RYR2: variants seen among roughly 807,000 people sequenced by gnomAD.
RYR2 encodes ryanodine receptor 2.
RYR2 carries 227 observed loss-of-function variants against 601.1 expected under a neutral mutation model. The observed-to-expected ratio is 0.38, with a 90% confidence interval of 0.34 to 0.42. RYR2 has a LOEUF of 0.42. RYR2 is among the 10% of genes least tolerant of loss of function. RYR2 has a pLI of 1.00. For missense variants in RYR2, 4,646 were observed against 6,156.5 expected, an observed-to-expected ratio of 0.75 and a Z score of 8.21; for synonymous variants, 2,223 against 2,175.1, an observed-to-expected ratio of 1.02 and a Z score of -0.61.
At position 237,603,524 on chromosome 1, in the gene RYR2, G is replaced by A. The variant is rs567639111; in HGVS notation, c.4683+1413G>A. ...CTAGGAAGAAACTGCGTCAACTAAT[G>A]AGCAAAATAACCAGCTGACATCATA... On this transcript the variant is annotated intron_variant, in intron 35 of 104. Transcript: ENST00000366574. Among the ~76,000 whole-genome samples, 19 of 152,322 alleles carry A rather than the reference G, an allele frequency of 1.2e-4. No individual in the cohort carries two copies. In the South Asian group the frequency reaches 3.7e-3, roughly 30 times the overall value.
intron 25 of RYR2, among the ~76,000 whole-genome samples, chr1:237,530,803 G>A (rs536603091): frequency 1.7e-3 from 264 of 152,112 alleles, no homozygotes; most frequent in African/African-American, 6.0e-3. Flanking sequence ...CCAGCTACTC[G>A]GGAGGCTGAG....
Position 237,453,627 on chromosome 1 carries a change from C to T in RYR2, c.1293-764C>T, listed in dbSNP as rs192265507. Reference sequence around the variant, plus strand: ...ATATCAACTACAGTAGAGATGTTGTCCCATTCTTTTATTGTATGCATTGTT... The same window carrying T: ...ATATCAACTACAGTAGAGATGTTGTTCCATTCTTTTATTGTATGCATTGTT... On this transcript the variant is annotated intron_variant, in intron 14 of 104. Coordinates refer to ENST00000366574, the MANE Select transcript of RYR2 (RefSeq NM_001035.3). 3.9e-5 allele frequency among the ~76,000 whole-genome samples: 6 copies of T among 152,126 alleles called. No homozygotes were observed. In the East Asian group the frequency reaches 1.2e-3, roughly 29 times the overall value.
intron 1 of RYR2, among the ~76,000 whole-genome samples, chr1:237,268,411 TG>T (rs1689280403): frequency 1.3e-5 from 2 of 152,240 alleles, no homozygotes; most frequent in Non-Finnish European, 2.9e-5. Flanking sequence ...ACTTCATGAT[TG>T]TTTTTATTAT....
In RYR2 at chr1:237,106,826, C is replaced by T. The variant is rs923353529; in HGVS notation, c.48+64257C>T. Among the ~76,000 whole-genome samples, 2 of 152,180 alleles carry T rather than the reference C, an allele frequency of 1.3e-5. No individual in the cohort carries two copies. The highest frequency in any genetic ancestry group is 2.9e-5 in the Non-Finnish European group (2 of 68,040). On this transcript the variant is annotated intron_variant, in intron 1 of 104. Coordinates refer to ENST00000366574, the MANE Select transcript of RYR2 (RefSeq NM_001035.3). The surrounding 1 kb of genome is among the most constrained non-coding windows in gnomAD (Gnocchi z 4.4). Reference sequence around the variant, plus strand: ...TTTGGTGTCTGGTGAAGGCTCGCTTCCTGGTTCATAGGCGGCTGTCTTCTT... The same window carrying T: ...TTTGGTGTCTGGTGAAGGCTCGCTTTCTGGTTCATAGGCGGCTGTCTTCTT...
chr1:237,107,326 C>A (rs865868052), intron 1 of RYR2, among the ~76,000 whole-genome samples: 2 of 151,276 alleles, frequency 1.3e-5, no homozygotes, highest in African/African-American at 4.9e-5. Flanking sequence ...TCGAGACCAT[C>A]CTGGCTAACA....
Position 237,633,733 on chromosome 1 carries a change from A to G in RYR2, c.6688+23A>G, listed in dbSNP as rs776415010. 50 of 1,592,292 alleles carry G rather than the reference A, an allele frequency of 3.1e-5. No individual in the cohort carries two copies. The East Asian group carries it at 4.3e-4, about 14-fold the overall frequency. On this transcript the variant is annotated intron_variant, in intron 43 of 104. Coordinates refer to ENST00000366574, the MANE Select transcript of RYR2 (RefSeq NM_001035.3). ...TTGGTAAGTAAATGACTTTTATTTC[A>G]TCTTTAAGGTTGAAATAATATAATA...
intron 61 of RYR2, 128 bp downstream of exon 61, chr1:237,678,240 T>C: frequency 1.7e-6 from 1 of 602,426 alleles, no homozygotes; most frequent in Non-Finnish European, 3.0e-6. Flanking sequence ...AAATATTCTG[T>C]GGCATGAAAA....
rs1304090442 is a variant in RYR2, at chr1:237,144,402, G to A, written c.48+101833G>A. On this transcript the variant is annotated intron_variant, in intron 1 of 104. Coordinates refer to ENST00000366574, the MANE Select transcript of RYR2 (RefSeq NM_001035.3). ...TCAGAAGGTAGTTTTGCAACTTGGA[G>A]CCTGGTACCTGCCGAAGTTAGACTG... is the stretch of plus-strand genomic sequence containing the variant. Among the ~76,000 whole-genome samples, 4 of 152,118 alleles carry A rather than the reference G, an allele frequency of 2.6e-5. No homozygotes were observed. The East Asian group carries it at 7.7e-4, about 29-fold the overall frequency.
intron 15 of RYR2, among the ~76,000 whole-genome samples, chr1:237,455,286 C>T (rs1184856235): frequency 6.6e-6 from 1 of 151,904 alleles, no homozygotes; most frequent in African/African-American, 2.4e-5. Flanking sequence ...CCATTCTTTT[C>T]AATGCATCTT....
intron 1 of RYR2, among the ~76,000 whole-genome samples, chr1:237,081,969 C>T (rs1270804287): frequency 2.6e-5 from 4 of 152,144 alleles, no homozygotes; most frequent in African/African-American, 7.2e-5. Context: ...TCCAAGATAA[C>T]TGTGATTTCT....
chr1:237,502,919 A>G (rs1196722346), intron 21 of RYR2, among the ~76,000 whole-genome samples: 3 of 151,606 alleles, frequency 2.0e-5, no homozygotes, highest in Non-Finnish European at 4.4e-5. Context: ...AGATATTTAG[A>G]TCAGGTCTTT....
chr1:237,568,703 A>C (rs1218787817), intron 28 of RYR2, among the ~76,000 whole-genome samples: 1 of 152,166 alleles, frequency 6.6e-6, no homozygotes, highest in Non-Finnish European at 1.5e-5. Context: ...AAATTACACT[A>C]TCATTTTCAA....
chr1:237,370,661 A>ATT (rs141088160), intron 6 of RYR2, among the ~76,000 whole-genome samples: 11,828 of 133,560 alleles, frequency 0.089, 603 homozygotes, highest in African/African-American at 0.096. Flanking sequence ...GTTTCATTCC[A>ATT]TTTTTTTTTT....
chr1:237,081,947 A>G (rs997239422), intron 1 of RYR2, among the ~76,000 whole-genome samples: 2 of 152,290 alleles, frequency 1.3e-5, no homozygotes, highest in African/African-American at 2.4e-5. Context: ...TGCAAAGGGA[A>G]AGGCTAATTA....
chr1:237,307,956 C>T (rs145156287), intron 2 of RYR2, among the ~76,000 whole-genome samples: 31 of 150,628 alleles, frequency 2.1e-4, no homozygotes, highest in African/African-American at 7.4e-4. Flanking sequence ...CCGGGACTTG[C>T]TGAGACTCCA....
chr1:237,354,013 C>T (rs553609843), intron 3 of RYR2, among the ~76,000 whole-genome samples: 6 of 152,258 alleles, frequency 3.9e-5, no homozygotes, highest in East Asian at 1.9e-4. Context: ...GAACAAGAGA[C>T]GTGTCATGAA....
At chr1:237,701,543 G>T (rs1573584122) in intron 65 of RYR2, among the ~76,000 whole-genome samples, 1 of 151,480 alleles carries the variant, frequency 6.6e-6, no homozygotes, top group South Asian at 2.1e-4. Context: ...AAAAAAAGCA[G>T]ATGTGCCTTT....
intron 80 of RYR2, among the ~76,000 whole-genome samples, chr1:237,747,335 T>G (rs1368806236): frequency 6.6e-6 from 1 of 152,222 alleles, no homozygotes; most frequent in Non-Finnish European, 1.5e-5. Flanking sequence ...GTGTGTTAAA[T>G]TCTAAATATG....
At chr1:237,534,318 T>G (rs1668403002) in intron 25 of RYR2, among the ~76,000 whole-genome samples, 1 of 151,924 alleles carries the variant, frequency 6.6e-6, no homozygotes, top group Non-Finnish European at 1.5e-5. Flanking sequence ...CAAAAATCAA[T>G]GAAGAAAAAT....
Sources: gnomAD v4.1 joint callset for allele counts (sites outside exome capture counted in the v4.1 genomes callset) on GRCh38, gnomAD v4.1.1 for gene constraint, Gnocchi (gnomAD v3.1) non-coding constraint, MANE v1.5 for transcripts, NCBI Gene and HGNC (gene_info 2026-07-23, HGNC 2026-07-21) for gene names.